CDH23: variants seen among roughly 807,000 people sequenced by gnomAD.
CDH23 encodes the protein cadherin-23.
A neutral mutation model predicts 317.1 loss-of-function variants in CDH23; 189 were observed. That is an observed-to-expected ratio of 0.60 (90% confidence interval 0.53 to 0.67). CDH23 has a LOEUF of 0.67. Among genes scored for constraint, CDH23 ranks in the 30% least tolerant of loss-of-function variants. The pLI is 0.00. For synonymous variants in CDH23, 1,839 were observed against 1,876.8 expected (o/e 0.98, Z 0.52); for missense variants, 4,401 against 4,592.4 (o/e 0.96, Z 1.20).
At chr10:71,411,321 T>A (rs1848334286) in intron 1 of CDH23, among the ~76,000 whole-genome samples, 1 of 152,194 alleles carries the variant, frequency 6.6e-6, no homozygotes, top group East Asian at 1.9e-4. Context: ...ATAATGCTTT[T>A]TAGTGTAGCA....
chr10:71,679,285 C>G, intron 16 of CDH23, 102 bp from the exon 17 acceptor site: 2 of 835,892 alleles, frequency 2.4e-6, no homozygotes, highest in South Asian at 1.5e-5. Context: ...AAAAAAGGAG[C>G]TGTGAACAGG....
At chr10:71,695,558 C>A in intron 22 of CDH23, 33 bp downstream of exon 22, 1 of 1,477,288 alleles carries the variant, frequency 6.8e-7, no homozygotes, top group South Asian at 1.1e-5. Context: ...AACTGCCAGG[C>A]GGCCCTTCCC....
chr10:71,657,026 T>C (rs528396805), intron 14 of CDH23, among the ~76,000 whole-genome samples: 3 of 152,296 alleles, frequency 2.0e-5, no homozygotes, highest in African/African-American at 7.2e-5. Context: ...ACAGTGGAAG[T>C]CCAGATCCCT....
chr10:71,538,569 C>A (rs6480530), intron 6 of CDH23, among the ~76,000 whole-genome samples: 30,837 of 151,980 alleles, frequency 0.2, 3,584 homozygotes, highest in African/African-American at 0.31. Context: ...TCTGTTTCTC[C>A]GATTAATCTG....
chr10:71,793,770 C>G lies in CDH23; in HGVS notation c.6712+130C>G, dbSNP rs892312524. ...TGCTACTCTCTTCTCTCCCCCTCCT[C>G]TGGAGGGAAACCAGAACCGTCCTTC... is the stretch of plus-strand genomic sequence containing the variant. On this transcript the variant is annotated intron_variant, in intron 48 of 69. Transcript: ENST00000224721. The G allele has an allele frequency of 9.1e-5, 64 of 706,424 alleles. No homozygotes were observed. The Admixed American group carries it at 1.4e-3, about 16-fold the overall frequency. The allele number at this position is 706,424 out of a possible 1,614,324, so 43.8% of individuals were successfully genotyped here.
chr10:71,687,425 C>T (rs1864952373), intron 18 of CDH23, among the ~76,000 whole-genome samples: 1 of 152,166 alleles, frequency 6.6e-6, no homozygotes, highest in African/African-American at 2.4e-5. Flanking sequence ...CTTCCTGAGG[C>T]CTGCATGTTT....
At position 71,646,429 on chromosome 10, in the gene CDH23, C is replaced by T. The variant is rs376136513; in HGVS notation, c.1291-30C>T. ...GACTCTGGGAGGGGACATGTGGGAG[C>T]TTACCTGGGCCCCTGTTCTGCACCC... On this transcript the variant is annotated intron_variant, in intron 13 of 69. Coordinates refer to ENST00000224721, the MANE Select transcript of CDH23 (RefSeq NM_022124.6). The T allele has an allele frequency of 4.0e-4, 648 of 1,609,100 alleles. 4 individuals are homozygous for T. Among genetic ancestry groups the T allele is most frequent in the South Asian group, 2.0e-3 (182 of 90,692 alleles).
chr10:71,786,220 A>G (rs1841100904), intron 44 of CDH23, among the ~76,000 whole-genome samples: 1 of 152,186 alleles, frequency 6.6e-6, no homozygotes, highest in Admixed American at 6.5e-5. Context: ...CTCTTGACTA[A>G]AGGGAGGTGG....
intron 53 of CDH23, among the ~76,000 whole-genome samples, chr10:71,802,084 G>A (rs1165559013): frequency 6.6e-6 from 1 of 152,190 alleles, no homozygotes; most frequent in East Asian, 1.9e-4. Context: ...GAGGCGGGGG[G>A]ATCACCTGAG....
intron 1 of CDH23, among the ~76,000 whole-genome samples, chr10:71,438,241 G>T (rs1849706602): frequency 6.6e-6 from 1 of 151,406 alleles, no homozygotes; most frequent in South Asian, 2.1e-4. Context: ...TACTCGGGGG[G>T]GCTGAGGCAG....
intron 27 of CDH23, 23 bp from the exon 28 acceptor site, chr10:71,712,642 C>A: frequency 6.2e-7 from 1 of 1,611,906 alleles, no homozygotes; most frequent in Non-Finnish European, 8.5e-7. Flanking sequence ...CTGCTAACAC[C>A]TGTCTTCCTT....
At chr10:71,662,577 T>C (rs1033178197) in intron 14 of CDH23, among the ~76,000 whole-genome samples, 12 of 152,144 alleles carry the variant, frequency 7.9e-5, no homozygotes, top group Admixed American at 6.5e-5. Context: ...TGGACTGTCT[T>C]TGCCCCCTTC....
At chr10:71,789,713 A>G (rs1156677295) in intron 45 of CDH23, among the ~76,000 whole-genome samples, 1 of 152,204 alleles carries the variant, frequency 6.6e-6, no homozygotes, top group East Asian at 1.9e-4. Context: ...ACACATGTGC[A>G]CAGACACATA....
Position 71,741,867 on chromosome 10 carries a change from G to C in CDH23, c.4791G>C (p.Gln1597His). Reference sequence around the variant, plus strand: ...CTGCCCCGCCTGACCGCGAGCGCCAGAGCTTCTACCACCTGGTGGCCACTG... The same window carrying C: ...CTGCCCCGCCTGACCGCGAGCGCCACAGCTTCTACCACCTGGTGGCCACTG... ...TRPAPPDRERQSFYHLVATVE... is the reference protein window; with the variant it reads ...TRPAPPDRERHSFYHLVATVE... Residue 1597 changes from glutamine (Q) to histidine (H), a missense_variant, in exon 38 of 70, where the codon CAG (glutamine) becomes CAC (histidine). Physicochemically the swap from Gln to His is conservative, Grantham distance 24 (BLOSUM62 0). Transcript: ENST00000224721. 6.2e-7 allele frequency: 1 copy of C among 1,610,716 alleles called. No homozygotes were observed. Among genetic ancestry groups the C allele is most frequent in the Non-Finnish European group, 8.5e-7 (1 of 1,178,776 alleles).
intron 3 of CDH23, among the ~76,000 whole-genome samples, chr10:71,473,949 G>A (rs551404256): frequency 6.6e-6 from 1 of 152,374 alleles, no homozygotes; most frequent in Admixed American, 6.5e-5. Flanking sequence ...GCCTTGGAGA[G>A]CTGGCGCCGA....
chr10:71,484,357 G>A (rs1371156930), intron 3 of CDH23, among the ~76,000 whole-genome samples: 1 of 152,200 alleles, frequency 6.6e-6, no homozygotes, highest in East Asian at 1.9e-4. Context: ...TCTCCCAGGG[G>A]AGCAGGAGAA....
At chr10:71,551,110 T>C (rs1856569803) in intron 6 of CDH23, among the ~76,000 whole-genome samples, 1 of 152,254 alleles carries the variant, frequency 6.6e-6, no homozygotes. Context: ...CCGACAGTAA[T>C]GAATTCGTTT....
At chr10:71,548,858 T>A (rs1856431850) in intron 6 of CDH23, among the ~76,000 whole-genome samples, 1 of 152,178 alleles carries the variant, frequency 6.6e-6, no homozygotes, top group Admixed American at 6.5e-5. Flanking sequence ...AAAAACCAGC[T>A]CTGAGCCTGA....
intron 38 of CDH23, among the ~76,000 whole-genome samples, chr10:71,769,993 A>G (rs1840650005): frequency 6.6e-6 from 1 of 152,222 alleles, no homozygotes; most frequent in Non-Finnish European, 1.5e-5. Context: ...AGGCACCTCC[A>G]TGGGCATTTC....
Sources: allele counts gnomAD v4.1 joint callset (sites outside exome capture counted in the v4.1 genomes callset), GRCh38; gene constraint gnomAD v4.1.1; transcripts MANE v1.5; gene names NCBI Gene and HGNC (gene_info 2026-07-23, HGNC 2026-07-21).